OTUD7A: variants seen among roughly 807,000 people sequenced by gnomAD.
OTUD7A encodes OTU domain-containing protein 7A.
A neutral mutation model predicts 65.7 loss-of-function variants in OTUD7A; 12 were observed. The observed-to-expected ratio is 0.18, with a 90% CI of 0.12 to 0.30. The LOEUF is 0.30. Among genes scored for constraint, OTUD7A ranks in the 10% least tolerant of loss-of-function variants. The probability of loss-of-function intolerance (pLI) is 1.00; values close to 1 mark genes in which losing one functional copy is unlikely to be tolerated. For missense variants in OTUD7A, 1,148 were observed against 1,304.8 expected (o/e 0.88, Z 1.85); for synonymous variants, 641 against 586.3 (o/e 1.09, Z -1.35).
chr15:31,767,605 TAAAATAGTTTGCAGGTAGATCAGAATA>T, intron 1 of OTUD7A: 1 of 814,010 alleles, frequency 1.2e-6, no homozygotes, highest in Non-Finnish European at 2.2e-6. Context: ...ATGGCACACC[TAAAATAGTTTGCAGGTAGATCAGAATA>T]AAATATCTCC....
intron 1 of OTUD7A, among the ~76,000 whole-genome samples, chr15:31,737,770 T>C (rs1381181367): frequency 6.6e-6 from 1 of 152,222 alleles, no homozygotes; most frequent in African/African-American, 2.4e-5. Context: ...CATACGGGAC[T>C]ATCACACAGC....
chr15:31,684,341 C>T (rs1370084277), intron 1 of OTUD7A, among the ~76,000 whole-genome samples: 1 of 152,204 alleles, frequency 6.6e-6, no homozygotes. Context: ...TATCCAAGAA[C>T]AATCAACACT....
chr15:31,830,729 A>T (rs1896909742), intron 1 of OTUD7A, among the ~76,000 whole-genome samples: 2 of 152,234 alleles, frequency 1.3e-5, no homozygotes, highest in Admixed American at 1.3e-4. Flanking sequence ...ATGAAGAGAC[A>T]CATTTACTGA....
intron 1 of OTUD7A, among the ~76,000 whole-genome samples, chr15:31,850,385 G>A (rs1467544815): frequency 1.3e-5 from 2 of 148,684 alleles, no homozygotes; most frequent in African/African-American, 2.5e-5. Context: ...ACAGGGTGGG[G>A]AACACCACAC....
chr15:31,867,524 G>A (rs1897908900), intron 1 of OTUD7A, among the ~76,000 whole-genome samples: 3 of 152,160 alleles, frequency 2.0e-5, no homozygotes, highest in Admixed American at 6.5e-5. Flanking sequence ...GGCCCCTCTG[G>A]GAAGTACTAC....
At chr15:31,560,145 G>A (rs1158009845) in intron 4 of OTUD7A, among the ~76,000 whole-genome samples, 1 of 152,232 alleles carries the variant, frequency 6.6e-6, no homozygotes, top group Non-Finnish European at 1.5e-5. Context: ...TTGTCTCGAT[G>A]CATTTATGCA....
chr15:31,671,240 ATTTTTGTATAAGG>A (rs1892477158), intron 1 of OTUD7A, among the ~76,000 whole-genome samples: 1 of 152,120 alleles, frequency 6.6e-6, no homozygotes, highest in Non-Finnish European at 1.5e-5. Context: ...TCTTGAGTTA[ATTTTTGTATAAGG>A]TGTAAGGAAG....
At chr15:31,764,155 C>T (rs1002478153) in intron 1 of OTUD7A, among the ~76,000 whole-genome samples, 1 of 151,910 alleles carries the variant, frequency 6.6e-6, no homozygotes, top group Non-Finnish European at 1.5e-5. Flanking sequence ...TTACAAAACC[C>T]CAAATAATTT....
At chr15:31,633,779 C>T (rs981045285) in intron 3 of OTUD7A, among the ~76,000 whole-genome samples, 1 of 152,090 alleles carries the variant, frequency 6.6e-6, no homozygotes, top group African/African-American at 2.4e-5. Flanking sequence ...ATGGCCTGGA[C>T]CCCATAAAGG....
intron 1 of OTUD7A, among the ~76,000 whole-genome samples, chr15:31,843,977 C>T (rs1256347511): frequency 2.6e-5 from 4 of 152,198 alleles, no homozygotes; most frequent in African/African-American, 9.7e-5. Context: ...GGAGCAGGGC[C>T]ACACCTTCAA....
intron 1 of OTUD7A, among the ~76,000 whole-genome samples, chr15:31,753,432 G>A (rs1894694059): frequency 6.6e-6 from 1 of 151,118 alleles, no homozygotes; most frequent in Non-Finnish European, 1.5e-5. Flanking sequence ...CCTATTTCTA[G>A]TCTTTTATCC....
intron 1 of OTUD7A, among the ~76,000 whole-genome samples, chr15:31,680,216 AT>A (rs1004130897): frequency 6.6e-5 from 10 of 152,232 alleles, no homozygotes; most frequent in African/African-American, 2.2e-4. Context: ...AGCAGGGGGC[AT>A]TTTTTTAGTA....
chr15:31,769,303 G>C (rs778724096), intron 1 of OTUD7A, among the ~76,000 whole-genome samples: 1 of 152,106 alleles, frequency 6.6e-6, no homozygotes, highest in East Asian at 1.9e-4. Context: ...ATGATAAAAG[G>C]TTCAATTCAC....
chr15:31,837,916 G>C (rs67157590), intron 1 of OTUD7A, among the ~76,000 whole-genome samples: 14,493 of 152,164 alleles, frequency 0.095, 1,147 homozygotes, highest in East Asian at 0.45. Flanking sequence ...GTGTAGTATT[G>C]GTAGAGGAAC....
chr15:31,537,414 G>A (rs1595593329), intron 5 of OTUD7A, among the ~76,000 whole-genome samples: 1 of 152,312 alleles, frequency 6.6e-6, no homozygotes, highest in South Asian at 2.1e-4. Context: ...ATATGAAGAT[G>A]TTAATGCTTA....
At chr15:31,860,410 T>C (rs1897687099) in intron 1 of OTUD7A, among the ~76,000 whole-genome samples, 1 of 151,858 alleles carries the variant, frequency 6.6e-6, no homozygotes, top group Non-Finnish European at 1.5e-5. Flanking sequence ...AAATTTCTAA[T>C]TTTAATTCCC....
intron 3 of OTUD7A, among the ~76,000 whole-genome samples, chr15:31,641,658 A>G (rs920922105): frequency 2.0e-5 from 3 of 152,188 alleles, no homozygotes; most frequent in African/African-American, 4.8e-5. Flanking sequence ...CATATTTTAT[A>G]TTTTTGGATG....
chr15:31,867,062 G>A (rs945090630), intron 1 of OTUD7A, among the ~76,000 whole-genome samples: 1 of 152,034 alleles, frequency 6.6e-6, no homozygotes, highest in Non-Finnish European at 1.5e-5. Context: ...CCCAGATGCT[G>A]CAATGACCAT....
Position 31,737,467 on chromosome 15 carries a change from G to A in OTUD7A, c.-99-80390C>T, listed in dbSNP as rs543794249. Among the ~76,000 whole-genome samples the A allele has an allele frequency of 8.5e-5, 13 of 152,274 alleles. No homozygotes were observed. In the South Asian group the frequency reaches 2.7e-3, roughly 32 times the overall value. On this transcript the variant is annotated intron_variant, in intron 1 of 12. Coordinates refer to ENST00000307050, the MANE Select transcript of OTUD7A (RefSeq NM_001382637.1). Reference sequence around the variant, plus strand: ...TTTCACACAAACTGGAAAAACCCTGGGGATGACATCCAGGGTCAGAGGGAT... The same window carrying A: ...TTTCACACAAACTGGAAAAACCCTGAGGATGACATCCAGGGTCAGAGGGAT...
Sources: allele counts gnomAD v4.1 joint callset (sites outside exome capture counted in the v4.1 genomes callset), GRCh38; gene constraint gnomAD v4.1.1; transcripts MANE v1.5; gene names NCBI Gene and HGNC (gene_info 2026-07-23, HGNC 2026-07-21).